SIRT1: variants seen among roughly 807,000 people sequenced by gnomAD.
SIRT1 encodes the protein NAD-dependent protein deacetylase sirtuin-1.
A neutral mutation model predicts 67.9 loss-of-function variants in SIRT1; 24 were observed. That is an observed-to-expected ratio of 0.35 (90% CI 0.26 to 0.50). SIRT1 has a LOEUF of 0.50. Ranked by LOEUF, SIRT1 falls within the 20% of genes least tolerant of loss-of-function variation. The probability of loss-of-function intolerance (pLI) is 0.98; values close to 1 mark genes in which losing one functional copy is unlikely to be tolerated. For synonymous variants in SIRT1, 378 were observed against 350.7 expected (o/e 1.08, Z -0.87); for missense variants, 873 against 937.2 (o/e 0.93, Z 0.89).
intron 4 of SIRT1, among the ~76,000 whole-genome samples, chr10:67,892,380 G>A (rs1842587318): frequency 6.6e-6 from 1 of 152,034 alleles, no homozygotes; most frequent in African/African-American, 2.4e-5. Context: ...AGACCAGCCT[G>A]AGCAACATAA....
At chr10:67,891,079 A>G (rs1243434592) in intron 3 of SIRT1, among the ~76,000 whole-genome samples, 1 of 152,018 alleles carries the variant, frequency 6.6e-6, no homozygotes, top group Non-Finnish European at 1.5e-5. Flanking sequence ...CCTACTTAAA[A>G]TAATTTGTTG....
At chr10:67,896,514 G>A (rs567405321) in intron 4 of SIRT1, among the ~76,000 whole-genome samples, 2 of 152,052 alleles carry the variant, frequency 1.3e-5, no homozygotes, top group Non-Finnish European at 2.9e-5. Flanking sequence ...GTCCCTGGCC[G>A]GCCAGGTGCA....
Position 67,917,931 on chromosome 10 carries a change from A to T in SIRT1, c.*1338A>T, listed in dbSNP as rs1564897402. ...CATTTTTGAACATCACTCCTAAATT[A>T]ATAAAGTATTCCTCTGTTGCTTTAG... On this transcript the variant is annotated 3_prime_UTR_variant, in exon 9 of 9. Coordinates refer to ENST00000212015, the MANE Select transcript of SIRT1 (RefSeq NM_012238.5). The T allele has an allele frequency of 6.6e-6, 1 of 152,460 alleles. No homozygotes were observed. Among genetic ancestry groups the T allele is most frequent in the Non-Finnish European group, 1.5e-5 (1 of 68,040 alleles). The allele number at this position is 152,460 out of a possible 1,614,324, so 9.4% of individuals were successfully genotyped here. A position where few individuals can be genotyped will look rare whatever the true frequency, so the allele number is the denominator to read the frequency against.
At chr10:67,886,337 A>G (rs1406499673) in intron 1 of SIRT1, among the ~76,000 whole-genome samples, 2 of 151,948 alleles carry the variant, frequency 1.3e-5, no homozygotes, top group African/African-American at 2.4e-5. Context: ...TCTTTCGTGT[A>G]ATCCTAGCAC....
intron 8 of SIRT1, among the ~76,000 whole-genome samples, chr10:67,915,398 C>T (rs897945867): frequency 4.6e-5 from 7 of 152,152 alleles, no homozygotes; most frequent in Admixed American, 1.3e-4. Context: ...ACTTAAACCC[C>T]AAATGGCCAA....
At position 67,909,540 on chromosome 10, in the gene SIRT1, T is replaced by G. The variant is rs1842868657; in HGVS notation, c.1357+98T>G. ...CTAGTAATCTTAACTCTGCTTCTGT[T>G]TGAAAGAGTGGTGAAGAGCTAATTT... On this transcript the variant is annotated intron_variant, in intron 7 of 8. Transcript: ENST00000212015. The G allele has an allele frequency of 4.9e-6, 5 of 1,023,620 alleles. No homozygotes were observed. The Admixed American group carries it at 1.5e-4, about 31-fold the overall frequency. The allele number at this position is 1,023,620 out of a possible 1,614,324, so 63.4% of individuals were successfully genotyped here.
At chr10:67,886,840 A>G (rs765243793) in intron 1 of SIRT1, among the ~76,000 whole-genome samples, 26 of 151,002 alleles carry the variant, frequency 1.7e-4, no homozygotes, top group African/African-American at 2.7e-4. Context: ...GATACATTCT[A>G]GCTAGATTAT....
intron 4 of SIRT1, among the ~76,000 whole-genome samples, chr10:67,902,566 C>A (rs867464767): frequency 6.6e-6 from 1 of 152,024 alleles, no homozygotes; most frequent in African/African-American, 2.4e-5. Context: ...AGATGTTGAG[C>A]AGTTTATTCA....
chr10:67,901,643 T>G (rs984436824), intron 4 of SIRT1, among the ~76,000 whole-genome samples: 1 of 152,242 alleles, frequency 6.6e-6, no homozygotes, highest in Non-Finnish European at 1.5e-5. Flanking sequence ...TTAAAAGTGC[T>G]TATGTTATAC....
At chr10:67,897,303 T>G (rs79146094) in intron 4 of SIRT1, among the ~76,000 whole-genome samples, 2 of 135,390 alleles carry the variant, frequency 1.5e-5, no homozygotes, top group Non-Finnish European at 1.6e-5. Context: ...TTTTTTTTTT[T>G]GGAGATGAAG....
At chr10:67,889,504 T>C (rs1371755495) in intron 3 of SIRT1, among the ~76,000 whole-genome samples, 1 of 152,198 alleles carries the variant, frequency 6.6e-6, no homozygotes, top group East Asian at 1.9e-4. Context: ...TAATTGGTAT[T>C]CACAAGTGAA....
At chr10:67,896,527 G>C (rs867055407) in intron 4 of SIRT1, among the ~76,000 whole-genome samples, 1 of 152,074 alleles carries the variant, frequency 6.6e-6, no homozygotes, top group Admixed American at 6.5e-5. Flanking sequence ...CAGGTGCAGC[G>C]GCTCACACCT....
chr10:67,888,582 G>A (rs1341789637), intron 2 of SIRT1, among the ~76,000 whole-genome samples: 1 of 151,954 alleles, frequency 6.6e-6, no homozygotes, highest in African/African-American at 2.4e-5. Flanking sequence ...AATACTTTTG[G>A]TATTATGGTG....
At chr10:67,913,274 T>C (rs1167375577) in intron 8 of SIRT1, among the ~76,000 whole-genome samples, 3 of 152,088 alleles carry the variant, frequency 2.0e-5, no homozygotes, top group Non-Finnish European at 4.4e-5. Context: ...TAAGAATGGG[T>C]TATTAGCTGG....
Position 67,912,564 on chromosome 10 carries a change from A to C in SIRT1, c.1448A>C (p.Asp483Ala). ...GATGTAGAGCTTCTTGGAGACTGTG[A>C]TGTCATAATTAATGAATTGTGTCAT... ...HFDVELLGDC[D>A]VIINELCHRL... is the part of the protein sequence containing the mutation. The change falls in exon 8 of 9, where the codon GAT becomes GCT. Residue 483 changes from aspartate (D) to alanine (A), a missense_variant. Physicochemically the swap from Asp to Ala is moderately radical, Grantham distance 126. Around this residue, in one of 3 missense-constraint regions of SIRT1, gnomAD observed 251 missense variants for 358.8 expected, o/e 0.70. Coordinates refer to ENST00000212015, the MANE Select transcript of SIRT1 (RefSeq NM_012238.5). The C allele has an allele frequency of 6.2e-7, 1 of 1,614,120 alleles. No homozygotes were observed. Among genetic ancestry groups the C allele is most frequent in the Non-Finnish European group, 8.5e-7 (1 of 1,180,026 alleles).
chr10:67,898,323 T>G lies in SIRT1; in HGVS notation c.942+6769T>G, dbSNP rs1842691816. On this transcript the variant is annotated intron_variant, in intron 4 of 8. Coordinates refer to ENST00000212015, the MANE Select transcript of SIRT1 (RefSeq NM_012238.5). ...CTATACTATGTTCGAAGAGTGTAGT[T>G]TCTGTCCCATACTGAATTCACTGTT... Among the ~76,000 whole-genome samples, 3 of 151,946 alleles carry G rather than the reference T, an allele frequency of 2.0e-5. No individual in the cohort carries two copies. In the South Asian group the frequency reaches 6.3e-4, roughly 32 times the overall value.
chr10:67,901,100 G>A (rs1285619403), intron 4 of SIRT1, among the ~76,000 whole-genome samples: 1 of 152,120 alleles, frequency 6.6e-6, no homozygotes, highest in East Asian at 1.9e-4. Flanking sequence ...ACTTGAGGGT[G>A]AAGGATCAGA....
intron 3 of SIRT1, among the ~76,000 whole-genome samples, chr10:67,890,737 A>G (rs1419985296): frequency 6.6e-6 from 1 of 151,868 alleles, no homozygotes; most frequent in Non-Finnish European, 1.5e-5. Flanking sequence ...TCTAAAAAGA[A>G]AAAAAACAAA....
chr10:67,896,339 C>T (rs2131860792), intron 4 of SIRT1, among the ~76,000 whole-genome samples: 1 of 152,242 alleles, frequency 6.6e-6, no homozygotes, highest in African/African-American at 2.4e-5. Flanking sequence ...GAGTCAAGTT[C>T]TCACTATGTT....
Sources: gnomAD v4.1 joint callset for allele counts (sites outside exome capture counted in the v4.1 genomes callset) on GRCh38, gnomAD v4.1.1 for gene constraint, gnomAD v4.1.1 regional missense constraint, MANE v1.5 for transcripts, NCBI Gene and HGNC (gene_info 2026-07-23, HGNC 2026-07-21) for gene names.